Variants in CSRP1 observed in about 807,000 individuals in gnomAD.
The protein encoded by CSRP1 is cysteine and glycine-rich protein 1.
A neutral mutation model predicts 25.4 loss-of-function variants in CSRP1; 16 were observed. The observed-to-expected ratio is 0.63, with a 90% confidence interval of 0.43 to 0.96. The LOEUF (loss-of-function observed/expected upper bound fraction) is 0.96, where lower values mean the gene tolerates loss of function less well. Among genes scored for constraint, CSRP1 ranks in the 40% least tolerant of loss-of-function variants. CSRP1 has a pLI of 0.00. For missense variants in CSRP1, 212 were observed against 243.6 expected (o/e 0.87, Z 0.86); for synonymous variants, 97 against 95.3 (o/e 1.02, Z -0.10).
intron 2 of CSRP1, among the ~76,000 whole-genome samples, chr1:201,493,477 G>A (rs900320793): frequency 2.0e-5 from 3 of 152,228 alleles, no homozygotes; most frequent in Non-Finnish European, 4.4e-5. Context: ...TCTCTTGCCT[G>A]CTGCCATGTA....
At position 201,500,197 on chromosome 1, in the gene CSRP1, C is replaced by T. The variant is rs929826590; in HGVS notation, c.-1-3893G>A. ...TCCTCGGCCTTCTCCTTTTCCAACC[C>T]CCTGAACCAGCAGGGGACATACTCA... On this transcript the variant is annotated intron_variant, in intron 1 of 5. Transcript: ENST00000340006. Among the ~76,000 whole-genome samples the T allele has an allele frequency of 3.3e-5, 5 of 152,326 alleles. No homozygotes were observed. In the East Asian group the frequency reaches 9.6e-4, roughly 29 times the overall value.
In CSRP1 at chr1:201,484,102, A is replaced by C. The variant is rs1225127497; in HGVS notation, c.*611T>G. 5.9e-6 allele frequency: 4 copies of C among 674,584 alleles called. No individual in the cohort carries two copies. Among genetic ancestry groups the C allele is most frequent in the Non-Finnish European group, 1.1e-5 (4 of 362,754 alleles). The allele number at this position is 674,584 out of a possible 1,614,324, so 41.8% of individuals were successfully genotyped here. ...CTCCTCCCAGTCCTAGTGGGAGGCTATCCATTCCACAAAGACTCAAAGGCA... is the reference window on the plus strand; with the variant it reads ...CTCCTCCCAGTCCTAGTGGGAGGCTCTCCATTCCACAAAGACTCAAAGGCA... On this transcript the variant is annotated 3_prime_UTR_variant, in exon 6 of 6. Transcript: ENST00000340006.
chr1:201,490,038 T>C, intron 3 of CSRP1, 138 bp downstream of exon 3: 1 of 850,308 alleles, frequency 1.2e-6, no homozygotes, highest in East Asian at 2.7e-5. Context: ...TAGACACTGC[T>C]CTGTGACTGC....
Position 201,484,273 on chromosome 1 carries a change from G to A in CSRP1, c.*440C>T. On this transcript the variant is annotated 3_prime_UTR_variant, in exon 6 of 6. Transcript: ENST00000340006. ...CTTTCCCACAGAGGAGAATCTCTGAGATCCAAAAAACCCAGCCTTCCCCCC... is the reference window on the plus strand; with the variant it reads ...CTTTCCCACAGAGGAGAATCTCTGAAATCCAAAAAACCCAGCCTTCCCCCC... 2.0e-6 allele frequency: 1 copy of A among 507,738 alleles called. No individual in the cohort carries two copies. Among genetic ancestry groups the A allele is most frequent in the South Asian group, 3.7e-5 (1 of 27,086 alleles). 31.5% of individuals were successfully genotyped at this position (507,738 alleles called of 1,614,324 possible).
chr1:201,489,220 A>C, intron 3 of CSRP1: 1 of 410,244 alleles, frequency 2.4e-6, no homozygotes, highest in South Asian at 3.3e-5. Flanking sequence ...CACCCAGTTA[A>C]CCCCAGAATC....
Position 201,486,920 on chromosome 1 carries a change from GAAC to G in CSRP1, c.412-1547_412-1545del, listed in dbSNP as rs150570957. On this transcript the variant is annotated intron_variant, in intron 4 of 5. Transcript: ENST00000340006. ...AATTTTCTATTCTCATAATGAGATA[GAAC>G]AAAAAACCCAACTTAATAATAATAT... 2.6e-3 allele frequency: 3,354 copies of G among 1,271,740 alleles called. 69 individuals carry two copies. The African/African-American group carries it at 0.048, about 18-fold the overall frequency. The allele number at this position is 1,271,740 out of a possible 1,614,324, so 78.8% of individuals were successfully genotyped here. A position where few individuals can be genotyped will look rare whatever the true frequency, so the allele number is the denominator to read the frequency against.
intron 4 of CSRP1, chr1:201,486,930 C>A: frequency 7.9e-7 from 1 of 1,273,092 alleles, no homozygotes; most frequent in Admixed American, 2.8e-5. Flanking sequence ...GAACAAAAAA[C>A]CCAACTTAAT....
chr1:201,486,161 GCAT>G (rs892070016), intron 4 of CSRP1: 10 of 167,882 alleles, frequency 6.0e-5, no homozygotes, highest in African/African-American at 2.2e-4. Context: ...CTGTGGCCAG[GCAT>G]CATATGTTTA....
chr1:201,489,186 T>C (rs1664248372), intron 3 of CSRP1: 4 of 532,750 alleles, frequency 7.5e-6, no homozygotes, highest in Non-Finnish European at 9.7e-6. Context: ...GTTATTTCCA[T>C]TGTAACATCA....
At chr1:201,488,307 G>A (rs1009490736) in intron 4 of CSRP1, 1 of 152,310 alleles carries the variant, frequency 6.6e-6, no homozygotes, top group Non-Finnish European at 1.5e-5. Flanking sequence ...AAGGGCATGT[G>A]CGGCAATTCT....
chr1:201,505,368 T>G (rs1664794663), intron 1 of CSRP1, among the ~76,000 whole-genome samples: 1 of 152,162 alleles, frequency 6.6e-6, no homozygotes, highest in Non-Finnish European at 1.5e-5. Context: ...TGTGTGCAAT[T>G]AAAAGAGCAA....
At chr1:201,490,149 A>C (rs1664287483) in intron 3 of CSRP1, 27 bp downstream of exon 3, 1 of 1,597,920 alleles carries the variant, frequency 6.3e-7, no homozygotes. Flanking sequence ...GCTCAAGAAA[A>C]AGGTTGGGAG....
At chr1:201,494,831 T>TGC (rs1664456414) in intron 2 of CSRP1, among the ~76,000 whole-genome samples, 1 of 120,498 alleles carries the variant, frequency 8.3e-6, no homozygotes, top group South Asian at 2.8e-4. Context: ...AGTGTGCGTG[T>TGC]GTGTGTGTGC....
intron 2 of CSRP1, among the ~76,000 whole-genome samples, chr1:201,493,302 G>T (rs558618057): frequency 2.0e-5 from 3 of 152,296 alleles, no homozygotes; most frequent in Admixed American, 2.0e-4. Flanking sequence ...AGACACTCAG[G>T]AAAGGGCACT....
chr1:201,507,081 C>T lies in CSRP1; in HGVS notation c.-13G>A, dbSNP rs1490530497. On this transcript the variant is annotated 5_prime_UTR_variant, in exon 1 of 6. Coordinates refer to ENST00000340006, the MANE Select transcript of CSRP1 (RefSeq NM_004078.3). The stretch of plus-strand genomic sequence containing the variant: ...CAGGGCGCACTCACCTGGCAGCTGG[C>T]TCGGCGGCGCAGGGGCGGCAGGCGC... 6.6e-6 allele frequency: 1 copy of T among 152,240 alleles called. No individual in the cohort carries two copies. The allele number at this position is 152,240 out of a possible 1,614,324, so 9.4% of individuals were successfully genotyped here. A position where few individuals can be genotyped will look rare whatever the true frequency, so the allele number is the denominator to read the frequency against.
intron 2 of CSRP1, chr1:201,491,521 C>A (rs1221553484): frequency 2.0e-5 from 3 of 152,114 alleles, no homozygotes; most frequent in African/African-American, 7.2e-5. Flanking sequence ...TGGCATAATA[C>A]CCTGCATACA....
chr1:201,501,482 A>G (rs1050161215), intron 1 of CSRP1, among the ~76,000 whole-genome samples: 1 of 152,220 alleles, frequency 6.6e-6, no homozygotes, highest in African/African-American at 2.4e-5. Context: ...ACACCTGGTC[A>G]GCTGTTTTCC....
chr1:201,487,599 TA>T (rs1327960579), intron 4 of CSRP1: 15 of 152,264 alleles, frequency 9.9e-5, no homozygotes, highest in Admixed American at 7.9e-4. Flanking sequence ...GCAGGCTGTC[TA>T]GAGTCCAAGC....
Position 201,484,543 on chromosome 1 carries a change from G to A in CSRP1, c.*170C>T. 1 of 650,260 alleles carries A rather than the reference G, an allele frequency of 1.5e-6. No individual in the cohort carries two copies. Among genetic ancestry groups the A allele is most frequent in the Non-Finnish European group, 2.7e-6 (1 of 370,162 alleles). The allele number at this position is 650,260 out of a possible 1,614,324, so 40.3% of individuals were successfully genotyped here. On this transcript the variant is annotated 3_prime_UTR_variant, in exon 6 of 6. Coordinates refer to ENST00000340006, the MANE Select transcript of CSRP1 (RefSeq NM_004078.3). ...CCTGGGGAGCCCTTTAGTGGGGTGG[G>A]ACCTCAGGCAGACCCCCAAACCAAA... is the stretch of plus-strand genomic sequence containing the variant.
Sources: allele counts gnomAD v4.1 joint callset (sites outside exome capture counted in the v4.1 genomes callset), GRCh38; gene constraint gnomAD v4.1.1; transcripts MANE v1.5; gene names NCBI Gene and HGNC (gene_info 2026-07-23, HGNC 2026-07-21).